Variants in PTGFRN observed in about 807,000 individuals in gnomAD.
PTGFRN encodes prostaglandin F2 receptor inhibitor, also known as prostaglandin F2 receptor negative regulator.
In PTGFRN, 35 loss-of-function variants were observed where a neutral mutation model predicts 83.2. The ratio of observed to expected loss-of-function variants is 0.42; its 90% CI spans 0.32 to 0.56. The LOEUF (loss-of-function observed/expected upper bound fraction) is 0.56. Ranked by LOEUF, PTGFRN falls within the 20% of genes least tolerant of loss-of-function variation. PTGFRN has a pLI of 0.11. For synonymous variants in PTGFRN, 519 were observed against 498.6 expected (o/e 1.04, Z -0.55); for missense variants, 1,051 against 1,179.5 (o/e 0.89, Z 1.60).
At position 116,944,859 on chromosome 1, in the gene PTGFRN, C is replaced by T. The variant is rs767384536; in HGVS notation, c.599C>T (p.Thr200Ile). The change falls in exon 3 of 9, where the codon ACC becomes ATC. Residue 200 changes from threonine (T) to isoleucine (I), a missense_variant. Transcript: ENST00000393203. ...GPARRSVLAL[T>I]HEGRFHPGLG... ...GCCAGGCGGAGCGTCCTCGCCCTGACCCACGAGGGCAGGTTCCACCCGGGC... is the reference window on the plus strand; with the variant it reads ...GCCAGGCGGAGCGTCCTCGCCCTGATCCACGAGGGCAGGTTCCACCCGGGC... The T allele has an allele frequency of 1.9e-6, 3 of 1,603,126 alleles. No individual in the cohort carries two copies. Among genetic ancestry groups the T allele is most frequent in the Admixed American group, 3.4e-5 (2 of 59,280 alleles).
intron 4 of PTGFRN, 125 bp downstream of exon 4, chr1:116,949,697 C>T (rs1281853545): frequency 1.5e-6 from 2 of 1,342,484 alleles, no homozygotes; most frequent in South Asian, 1.5e-5. Context: ...TTGGTTCATG[C>T]ATACTTTGGC....
intron 4 of PTGFRN, among the ~76,000 whole-genome samples, chr1:116,950,705 A>T (rs1650321686): frequency 1.3e-5 from 2 of 152,080 alleles, no homozygotes; most frequent in African/African-American, 2.4e-5. Flanking sequence ...CAGTGGAGAC[A>T]GAGGGGGCAG....
rs770057005 is a variant in PTGFRN at position 116,944,894 on chromosome 1, G to A, written c.634G>A (p.Glu212Lys). The change falls in exon 3 of 9, where the codon GAG becomes AAG. Residue 212 changes from glutamate to lysine, a missense_variant. Glu to Lys is a moderately conservative substitution (Grantham distance 56). Around this residue, in one of 3 missense-constraint regions of PTGFRN, gnomAD observed 205 missense variants for 174.5 expected, o/e 1.17. Transcript: ENST00000393203. ...EGRFHPGLGY[E>K]QRYHSGDVRL... is the part of the protein sequence containing the mutation. ...CAGGTTCCACCCGGGCCTGGGGTAC[G>A]AGCAGCGCTACCACAGTGGGGACGT... 3.7e-6 allele frequency: 6 copies of A among 1,611,206 alleles called. No individual in the cohort carries two copies. In the East Asian group the frequency reaches 6.7e-5, roughly 18 times the overall value.
chr1:116,942,182 C>T, intron 2 of PTGFRN, 99 bp downstream of exon 2: 1 of 1,411,014 alleles, frequency 7.1e-7, no homozygotes, highest in Non-Finnish European at 9.6e-7. Flanking sequence ...CTCTGAGGCT[C>T]TGCTCCCTCC....
intron 1 of PTGFRN, among the ~76,000 whole-genome samples, chr1:116,935,523 A>G (rs1459250843): frequency 6.6e-6 from 1 of 152,048 alleles, no homozygotes; most frequent in African/African-American, 2.4e-5. Flanking sequence ...GATATTAGCT[A>G]CTCTATGATA....
chr1:116,931,059 C>T (rs1412643223), intron 1 of PTGFRN, among the ~76,000 whole-genome samples: 1 of 152,180 alleles, frequency 6.6e-6, no homozygotes, highest in African/African-American at 2.4e-5. Flanking sequence ...CTTCCTTATA[C>T]AGGTTGAGCA....
At chr1:116,967,390 C>G in intron 6 of PTGFRN, 60 bp downstream of exon 6, 17 of 1,493,036 alleles carry the variant, frequency 1.1e-5, no homozygotes, top group Non-Finnish European at 1.5e-5. Flanking sequence ...GGGTTTTGAT[C>G]AGATGCCCTC....
intron 1 of PTGFRN, among the ~76,000 whole-genome samples, chr1:116,927,411 G>A (rs1290893577): frequency 6.6e-5 from 10 of 152,050 alleles, no homozygotes; most frequent in Non-Finnish European, 1.5e-4. Flanking sequence ...ATATGATCTA[G>A]TGCTTTACTA....
chr1:116,910,033 G>T lies in PTGFRN; in HGVS notation c.-171G>T, dbSNP rs747379049. 185 of 753,176 alleles carry T rather than the reference G, an allele frequency of 2.5e-4. No homozygotes were observed. The highest frequency in any genetic ancestry group is 3.8e-4 in the Non-Finnish European group (171 of 448,406). The allele number at this position is 753,176 out of a possible 1,614,324, so 46.7% of individuals were successfully genotyped here. On this transcript the variant is annotated 5_prime_UTR_variant, in exon 1 of 9. Transcript: ENST00000393203. ...GCGGGAGGGAGCGAGCGGAGCCAGG[G>T]GCGCACGTACGCCCCAGCGCTGGGA...
chr1:116,985,032 T>C (rs762430035), intron 8 of PTGFRN, 47 bp downstream of exon 8: 3 of 1,573,600 alleles, frequency 1.9e-6, no homozygotes, highest in South Asian at 1.2e-5. Context: ...TGTCTTCTTC[T>C]TGTGCCAGGC....
chr1:116,925,222 G>A (rs1649622969), intron 1 of PTGFRN, among the ~76,000 whole-genome samples: 1 of 152,102 alleles, frequency 6.6e-6, no homozygotes, highest in Non-Finnish European at 1.5e-5. Context: ...GAGGCCAGAA[G>A]TTCGAGACCA....
rs1651562695 is a variant in PTGFRN at position 116,988,087 on chromosome 1, C to T, written c.*1120C>T. 6.6e-6 allele frequency: 1 copy of T among 152,336 alleles called. No homozygotes were observed. Among genetic ancestry groups the T allele is most frequent in the Non-Finnish European group, 1.5e-5 (1 of 68,042 alleles). 9.4% of individuals were successfully genotyped at this position (152,336 alleles called of 1,614,324 possible). A position where few individuals can be genotyped will look rare whatever the true frequency, so the allele number is the denominator to read the frequency against. On this transcript the variant is annotated 3_prime_UTR_variant, in exon 9 of 9. Coordinates refer to ENST00000393203, the MANE Select transcript of PTGFRN (RefSeq NM_020440.4). ...TGAAGGCAAATTGCTACTTGCAAGA[C>T]TGACTGACTTCAAGGAATCAGAAAT...
At chr1:116,954,227 A>G (rs1650425959) in intron 4 of PTGFRN, among the ~76,000 whole-genome samples, 1 of 152,136 alleles carries the variant, frequency 6.6e-6, no homozygotes, top group Admixed American at 6.5e-5. Flanking sequence ...TATTGCTCTG[A>G]AATGGCTAGT....
At position 116,967,156 on chromosome 1, in the gene PTGFRN, G is replaced by A; in HGVS notation, c.1885G>A (p.Val629Ile). The A allele has an allele frequency of 6.2e-7, 1 of 1,614,196 alleles. No individual in the cohort carries two copies. The highest frequency in any genetic ancestry group is 8.5e-7 in the Non-Finnish European group (1 of 1,180,028). Reference sequence around the variant, plus strand: ...AGATGCATCACGGGTGGATGGCGTTGTTTTAGAAAAAGTGCAGGAGGATGA... The same window carrying A: ...AGATGCATCACGGGTGGATGGCGTTATTTTAGAAAAAGTGCAGGAGGATGA... ...WTDASRVDGV[V>I]LEKVQEDEFR... is the part of the protein sequence containing the mutation. Residue 629 changes from valine to isoleucine, a missense_variant, in exon 6 of 9, where the codon GTT becomes ATT. Coordinates refer to ENST00000393203, the MANE Select transcript of PTGFRN (RefSeq NM_020440.4).
intron 1 of PTGFRN, among the ~76,000 whole-genome samples, chr1:116,939,995 T>C (rs188854926): frequency 5.9e-5 from 9 of 152,336 alleles, no homozygotes; most frequent in East Asian, 3.9e-4. Context: ...TGGGACCTTG[T>C]CGTTATCAGG....
intron 5 of PTGFRN, among the ~76,000 whole-genome samples, chr1:116,964,550 T>G (rs895790526): frequency 3.3e-5 from 5 of 152,212 alleles, no homozygotes; most frequent in Non-Finnish European, 7.3e-5. Flanking sequence ...TCTTTTCTAT[T>G]TAACCTCACC....
intron 3 of PTGFRN, among the ~76,000 whole-genome samples, chr1:116,946,917 TATTTC>T (rs1273444439): frequency 6.6e-6 from 1 of 152,234 alleles, no homozygotes; most frequent in African/African-American, 2.4e-5. Flanking sequence ...GTATACATGA[TATTTC>T]AGGATATCTG....
intron 6 of PTGFRN, among the ~76,000 whole-genome samples, chr1:116,972,670 C>T (rs1012851868): frequency 6.6e-6 from 1 of 152,172 alleles, no homozygotes; most frequent in Non-Finnish European, 1.5e-5. Flanking sequence ...GGCCTTCAAT[C>T]GTTGCTTCCC....
chr1:116,979,642 T>A (rs1651254451), intron 7 of PTGFRN, among the ~76,000 whole-genome samples: 1 of 152,180 alleles, frequency 6.6e-6, no homozygotes, highest in South Asian at 2.1e-4. Context: ...ATTTAATAAA[T>A]GGTGCTGGGA....
Sources: gnomAD v4.1 joint callset for allele counts (sites outside exome capture counted in the v4.1 genomes callset) on GRCh38, gnomAD v4.1.1 for gene constraint, gnomAD v4.1.1 regional missense constraint, MANE v1.5 for transcripts, NCBI Gene and HGNC (gene_info 2026-07-23, HGNC 2026-07-21) for gene names.